The following PIP5K1B variants were observed in gnomAD, a reference collection of about 807,000 sequenced individuals.
PIP5K1B encodes phosphatidylinositol 4-phosphate 5-kinase type-1 beta.
Under a neutral mutation model 67.0 loss-of-function variants are expected in PIP5K1B, and 42 were observed. That is an observed-to-expected ratio of 0.63 (90% CI 0.49 to 0.81). The LOEUF (loss-of-function observed/expected upper bound fraction) is 0.81, where lower values mean the gene tolerates loss of function less well. Among genes scored for constraint, PIP5K1B ranks in the 30% least tolerant of loss-of-function variants. The pLI is 0.00. For synonymous variants in PIP5K1B, 214 were observed against 231.4 expected (o/e 0.92, Z 0.68); for missense variants, 459 against 646.3 (o/e 0.71, Z 3.14).
At chr9:68,936,495 A>C (rs7030361) in intron 13 of PIP5K1B, among the ~76,000 whole-genome samples, 13 of 151,888 alleles carry the variant, frequency 8.6e-5, no homozygotes, top group African/African-American at 2.4e-4. Context: ...AGATTTTTCT[A>C]TTAGTATATT....
At chr9:68,727,594 A>C (rs561103252) in intron 1 of PIP5K1B, 1 of 152,190 alleles carries the variant, frequency 6.6e-6, no homozygotes, top group African/African-American at 2.4e-5. Flanking sequence ...GCTGCATTCT[A>C]GGTACTTTCT....
chr9:68,868,793 A>C (rs1259287183), intron 5 of PIP5K1B, among the ~76,000 whole-genome samples: 3 of 152,210 alleles, frequency 2.0e-5, no homozygotes, highest in African/African-American at 7.2e-5. Context: ...ACAGCTGAGG[A>C]ATTTTTAAAG....
At chr9:68,801,050 C>T (rs1187024733) in intron 2 of PIP5K1B, among the ~76,000 whole-genome samples, 1 of 152,202 alleles carries the variant, frequency 6.6e-6, no homozygotes, top group Non-Finnish European at 1.5e-5. Flanking sequence ...TCAGCACCTG[C>T]TACTACCACA....
chr9:68,792,465 GTTGT>G (rs202162149), intron 2 of PIP5K1B, among the ~76,000 whole-genome samples: 29,762 of 110,796 alleles, frequency 0.27, 3,174 homozygotes, highest in East Asian at 0.34. Context: ...TTTTTTTGTT[GTTGT>G]TTGTTTGTTT....
chr9:68,977,158 C>T (rs1331741741), intron 14 of PIP5K1B, among the ~76,000 whole-genome samples: 1 of 152,188 alleles, frequency 6.6e-6, no homozygotes, highest in South Asian at 2.1e-4. Context: ...TTAGACTCTG[C>T]CACATATGAA....
intron 8 of PIP5K1B, 115 bp from the exon 9 acceptor site, chr9:68,917,433 G>T: frequency 1.3e-6 from 1 of 763,836 alleles, no homozygotes; most frequent in Non-Finnish European, 2.3e-6. Context: ...CAGCCACCCC[G>T]CTGGGAGGAA....
intron 8 of PIP5K1B, among the ~76,000 whole-genome samples, chr9:68,901,837 G>A (rs1464561754): frequency 8.5e-5 from 13 of 152,170 alleles, no homozygotes; most frequent in Non-Finnish European, 1.8e-4. Flanking sequence ...GACTTACCTA[G>A]CCAAGCCAGG....
intron 15 of PIP5K1B, among the ~76,000 whole-genome samples, chr9:68,993,606 A>G (rs1830475127): frequency 6.6e-6 from 1 of 152,196 alleles, no homozygotes; most frequent in African/African-American, 2.4e-5. Context: ...CTTACAGAAA[A>G]GTTGGTCCAC....
In PIP5K1B at chr9:68,849,438, C is replaced by T. The variant is rs148815662; in HGVS notation, c.70-14399C>T. Among the ~76,000 whole-genome samples, 17 of 152,204 alleles carry T rather than the reference C, an allele frequency of 1.1e-4. No homozygotes were observed. The East Asian group carries it at 2.9e-3, about 26-fold the overall frequency. On this transcript the variant is annotated intron_variant, in intron 4 of 15. Transcript: ENST00000265382. ...TCTGTCAACCCAGGCTGAAGTGCAG[C>T]GGTACGATCTCAGCTCACTGCAACC...
Position 68,735,316 on chromosome 9 carries a change from C to CTTTTTTTTTTTTT in PIP5K1B, c.-242-7169_-242-7157dup, listed in dbSNP as rs558810934. On this transcript the variant is annotated intron_variant, in intron 1 of 15. Coordinates refer to ENST00000265382, the MANE Select transcript of PIP5K1B (RefSeq NM_003558.4). ...CAGATTTGCTGTTTTCCCCTAGTGT[C>CTTTTTTTTTTTTT]TTTTTTTTTTTTTTTTTTTTTTTTT... is the stretch of plus-strand genomic sequence containing the variant. 6.9e-3 allele frequency among the ~76,000 whole-genome samples: 206 copies of CTTTTTTTTTTTTT among 29,802 alleles called. 53 individuals carry two copies. The highest frequency in any genetic ancestry group is 0.056 in the Middle Eastern group (2 of 36). The allele number at this position is 29,802 out of a possible 152,430, so 19.6% of individuals were successfully genotyped here. A position where few individuals can be genotyped will look rare whatever the true frequency, so the allele number is the denominator to read the frequency against.
At chr9:68,780,789 G>A in intron 2 of PIP5K1B, 2 of 1,614,202 alleles carry the variant, frequency 1.2e-6, no homozygotes, top group South Asian at 2.2e-5. Context: ...ATGTGAAATG[G>A]AAACTGAATA....
chr9:68,946,090 A>C (rs1415178897), intron 14 of PIP5K1B, among the ~76,000 whole-genome samples: 1 of 152,238 alleles, frequency 6.6e-6, no homozygotes, highest in African/African-American at 2.4e-5. Flanking sequence ...CTTTTATTAG[A>C]TATGTTCCTG....
At chr9:68,911,526 A>G (rs13284908) in intron 8 of PIP5K1B, among the ~76,000 whole-genome samples, 6 of 152,244 alleles carry the variant, frequency 3.9e-5, no homozygotes, top group Admixed American at 2.0e-4. Flanking sequence ...ATGATTTCAA[A>G]TAAAAGAGGG....
At chr9:68,855,975 T>C (rs1822755028) in intron 4 of PIP5K1B, among the ~76,000 whole-genome samples, 1 of 152,202 alleles carries the variant, frequency 6.6e-6, no homozygotes, top group South Asian at 2.1e-4. Flanking sequence ...TATTATCTTA[T>C]AGTTCTGGAG....
intron 2 of PIP5K1B, among the ~76,000 whole-genome samples, chr9:68,779,151 CTGAA>C (rs1831080325): frequency 6.6e-6 from 1 of 151,802 alleles, no homozygotes; most frequent in African/African-American, 2.4e-5. Context: ...CCTTGACTGA[CTGAA>C]TAAATGAACA....
intron 4 of PIP5K1B, among the ~76,000 whole-genome samples, chr9:68,831,675 G>A (rs1834328084): frequency 6.6e-6 from 1 of 151,960 alleles, no homozygotes; most frequent in Non-Finnish European, 1.5e-5. Flanking sequence ...CAAATTAATA[G>A]AATTTAACTT....
At chr9:68,796,508 G>T (rs1564142812) in intron 2 of PIP5K1B, among the ~76,000 whole-genome samples, 2 of 152,168 alleles carry the variant, frequency 1.3e-5, no homozygotes. Context: ...GAAAAAAGAA[G>T]AAAAGTGTAG....
chr9:68,846,529 T>C (rs917007920), intron 4 of PIP5K1B, among the ~76,000 whole-genome samples: 2 of 152,188 alleles, frequency 1.3e-5, no homozygotes, highest in Non-Finnish European at 2.9e-5. Flanking sequence ...TGTTTAGGGC[T>C]GGCATATGGA....
chr9:68,787,572 T>A (rs1831697661), intron 2 of PIP5K1B, among the ~76,000 whole-genome samples: 2 of 152,206 alleles, frequency 1.3e-5, no homozygotes, highest in South Asian at 4.1e-4. Context: ...ATAGATCAGA[T>A]CCTTAACAGA....
Sources: gnomAD v4.1 joint callset for allele counts (sites outside exome capture counted in the v4.1 genomes callset) on GRCh38, gnomAD v4.1.1 for gene constraint, MANE v1.5 for transcripts, NCBI Gene and HGNC (gene_info 2026-07-23, HGNC 2026-07-21) for gene names.